ARL15: variants seen among roughly 807,000 people sequenced by gnomAD.
ARL15 encodes the protein ARF like GTPase 15.
ARL15 carries 19 observed loss-of-function variants against 25.2 expected under a neutral mutation model. The observed-to-expected ratio is 0.75, with a 90% CI of 0.53 to 1.10. The LOEUF (loss-of-function observed/expected upper bound fraction) is 1.10. ARL15 is among the 50% of genes least tolerant of loss of function. The pLI is 0.00. For missense variants in ARL15, 220 were observed against 246.0 expected (o/e 0.89, Z 0.71); for synonymous variants, 94 against 86.8 (o/e 1.08, Z -0.46).
chr5:54,066,401 C>G (rs1751232747), intron 4 of ARL15, among the ~76,000 whole-genome samples: 1 of 152,094 alleles, frequency 6.6e-6, no homozygotes, highest in Non-Finnish European at 1.5e-5. Context: ...AATCTGATAC[C>G]TAGTTAACAG....
rs985429686 is a variant in ARL15, at chr5:53,885,475, G to C, written c.*1086C>G. On this transcript the variant is annotated 3_prime_UTR_variant, in exon 5 of 5. Transcript: ENST00000504924. ...TGCTGCAGCCCCAGCACAATTTTAA[G>C]GGCACATTGAAACCCCTGAAAATAG... is the stretch of plus-strand genomic sequence containing the variant. The C allele has an allele frequency of 2.2e-4, 34 of 152,484 alleles. No homozygotes were observed. The highest frequency in any genetic ancestry group is 8.2e-4 in the African/African-American group (34 of 41,410). 9.4% of individuals were successfully genotyped at this position (152,484 alleles called of 1,614,324 possible). A position where few individuals can be genotyped will look rare whatever the true frequency, so the allele number is the denominator to read the frequency against.
chr5:53,904,761 C>T (rs1178056206), intron 4 of ARL15, among the ~76,000 whole-genome samples: 5 of 109,202 alleles, frequency 4.6e-5, no homozygotes, highest in Non-Finnish European at 6.9e-5. Flanking sequence ...TTTTTTGAGA[C>T]AGTCTCACCC....
chr5:54,301,656 T>G (rs1758618686), intron 1 of ARL15, among the ~76,000 whole-genome samples: 1 of 152,230 alleles, frequency 6.6e-6, no homozygotes, highest in Non-Finnish European at 1.5e-5. Flanking sequence ...TGACTCCATG[T>G]CTATACTGAT....
intron 4 of ARL15, among the ~76,000 whole-genome samples, chr5:54,102,261 C>T (rs1752462384): frequency 6.6e-6 from 1 of 152,130 alleles, no homozygotes; most frequent in African/African-American, 2.4e-5. Flanking sequence ...ATCCACCCGC[C>T]TTGGCCTCCT....
intron 4 of ARL15, among the ~76,000 whole-genome samples, chr5:54,049,623 T>C (rs1360306457): frequency 7.1e-6 from 1 of 140,362 alleles, no homozygotes; most frequent in African/African-American, 2.7e-5. Context: ...TTGTTTGAGA[T>C]AGGGTCTCAC....
chr5:54,274,983 C>G (rs935292809), intron 1 of ARL15, among the ~76,000 whole-genome samples: 2 of 152,204 alleles, frequency 1.3e-5, no homozygotes, highest in African/African-American at 4.8e-5. Context: ...CCAGGAACAA[C>G]TCTGTGTGCT....
At chr5:53,959,990 C>T (rs899928476) in intron 4 of ARL15, among the ~76,000 whole-genome samples, 2 of 151,892 alleles carry the variant, frequency 1.3e-5, no homozygotes, top group Admixed American at 6.6e-5. Context: ...ATAGTAGATG[C>T]TTGGTAAATA....
intron 4 of ARL15, among the ~76,000 whole-genome samples, chr5:54,016,242 C>T (rs1219622647): frequency 6.6e-6 from 1 of 152,112 alleles, no homozygotes; most frequent in African/African-American, 2.4e-5. Flanking sequence ...ATATAATTTG[C>T]TTCCTTTGAA....
intron 1 of ARL15, among the ~76,000 whole-genome samples, chr5:54,214,061 G>T (rs1321967816): frequency 1.3e-5 from 2 of 151,398 alleles, no homozygotes; most frequent in Admixed American, 1.3e-4. Flanking sequence ...TGTATGGCAA[G>T]AGCAAAAAAG....
intron 4 of ARL15, among the ~76,000 whole-genome samples, chr5:53,903,405 G>C (rs1262181728): frequency 6.6e-6 from 1 of 152,172 alleles, no homozygotes; most frequent in East Asian, 1.9e-4. Flanking sequence ...TGGGGAAGCA[G>C]AGCAGGTGGT....
chr5:54,206,399 T>G (rs913142377), intron 1 of ARL15, among the ~76,000 whole-genome samples: 1 of 152,170 alleles, frequency 6.6e-6, no homozygotes, highest in Non-Finnish European at 1.5e-5. Flanking sequence ...AAGTCAATAG[T>G]AAACAGAGTC....
intron 4 of ARL15, among the ~76,000 whole-genome samples, chr5:54,003,713 T>C (rs531819218): frequency 7.3e-6 from 1 of 137,480 alleles, no homozygotes; most frequent in East Asian, 2.1e-4. Flanking sequence ...TCTATCTATC[T>C]ATCTCTACTT....
At chr5:54,037,744 T>C (rs1185464392) in intron 4 of ARL15, among the ~76,000 whole-genome samples, 1 of 152,128 alleles carries the variant, frequency 6.6e-6, no homozygotes, top group Non-Finnish European at 1.5e-5. Context: ...TAAAACTTCA[T>C]TTGTTTTTAC....
intron 4 of ARL15, among the ~76,000 whole-genome samples, chr5:53,944,386 G>A (rs910160676): frequency 2.0e-5 from 3 of 152,112 alleles, no homozygotes; most frequent in Non-Finnish European, 4.4e-5. Flanking sequence ...CGAGGCAGGA[G>A]GATCGTTTGA....
In ARL15 at chr5:54,054,996, A is replaced by G. The variant is rs9292035; in HGVS notation, c.462+58206T>C. Among the ~76,000 whole-genome samples the G allele has an allele frequency of 9.0e-3, 1,370 of 152,290 alleles. 26 individuals are homozygous for G. Among genetic ancestry groups the G allele is most frequent in the African/African-American group, 0.032 (1,309 of 41,546 alleles). The stretch of plus-strand genomic sequence containing the variant: ...TTTTTTTAAAAAGGCATGTTGTGAT[A>G]CAATTCACATACCACACAATTTATG... On this transcript the variant is annotated intron_variant, in intron 4 of 4. Coordinates refer to ENST00000504924, the MANE Select transcript of ARL15 (RefSeq NM_019087.3).
At chr5:54,152,703 C>T (rs1401559349) in intron 3 of ARL15, among the ~76,000 whole-genome samples, 5 of 152,194 alleles carry the variant, frequency 3.3e-5, no homozygotes, top group Admixed American at 2.0e-4. Flanking sequence ...ACCTGCATCT[C>T]TTAACCTCAT....
chr5:54,015,498 G>A (rs895314544), intron 4 of ARL15, among the ~76,000 whole-genome samples: 1 of 152,010 alleles, frequency 6.6e-6, no homozygotes, highest in African/African-American at 2.4e-5. Context: ...TGAACATCAG[G>A]CAGGCTTTTA....
chr5:54,256,175 A>G (rs961524000), intron 1 of ARL15, among the ~76,000 whole-genome samples: 2 of 152,156 alleles, frequency 1.3e-5, no homozygotes, highest in African/African-American at 2.4e-5. Context: ...ACACTAACCA[A>G]GAAAAAGAAG....
At chr5:53,997,379 C>T (rs1381594996) in intron 4 of ARL15, among the ~76,000 whole-genome samples, 1 of 152,148 alleles carries the variant, frequency 6.6e-6, no homozygotes, top group Non-Finnish European at 1.5e-5. Context: ...CTCTCTGCTG[C>T]CCTATCAATC....
Sources: gnomAD v4.1 joint callset for allele counts (sites outside exome capture counted in the v4.1 genomes callset) on GRCh38, gnomAD v4.1.1 for gene constraint, MANE v1.5 for transcripts, NCBI Gene and HGNC (gene_info 2026-07-23, HGNC 2026-07-21) for gene names.